Variants in CALN1 observed in about 807,000 individuals in gnomAD.
CALN1 encodes calneuron 1, also known as calcium-binding protein 8.
CALN1 carries 17 observed loss-of-function variants against 30.6 expected under a neutral mutation model. That is an observed-to-expected ratio of 0.56 (90% confidence interval 0.38 to 0.83). The LOEUF (loss-of-function observed/expected upper bound fraction) is 0.83. CALN1 is among the 40% of genes least tolerant of loss of function. CALN1 has a pLI of 0.00. For missense variants in CALN1, 291 were observed against 354.9 expected (o/e 0.82, Z 1.45); for synonymous variants, 156 against 131.4 (o/e 1.19, Z -1.28).
intron 1 of CALN1, among the ~76,000 whole-genome samples, chr7:72,411,402 T>C (rs566500525): frequency 4.6e-5 from 7 of 152,184 alleles, no homozygotes; most frequent in South Asian, 2.1e-4. Context: ...CAAGATTTTC[T>C]ATGTTAGAGA....
At chr7:72,459,226 G>T in the CALN1 span, among the ~76,000 whole-genome samples, 2 of 152,112 alleles carry the variant, frequency 1.3e-5, no homozygotes, top group South Asian at 2.1e-4. Flanking sequence ...ATTAACATGC[G>T]AAGTGAGCTT....
At chr7:72,224,174 C>G (rs1793507773) in intron 3 of CALN1, among the ~76,000 whole-genome samples, 1 of 151,934 alleles carries the variant, frequency 6.6e-6, no homozygotes, top group Non-Finnish European at 1.5e-5. Context: ...CCCCTTGAAT[C>G]TAAAATAAAA....
At chr7:71,945,283 T>G (rs766534151) in intron 5 of CALN1, among the ~76,000 whole-genome samples, 5 of 152,198 alleles carry the variant, frequency 3.3e-5, no homozygotes, top group Non-Finnish European at 7.3e-5. Flanking sequence ...AGTAAACCTC[T>G]TTTCTTTCTA....
intron 2 of CALN1, among the ~76,000 whole-genome samples, chr7:72,332,841 A>T (rs1585516630): frequency 6.6e-6 from 1 of 152,138 alleles, no homozygotes; most frequent in African/African-American, 2.4e-5. Context: ...CCATGGCCTC[A>T]TCAGCCTTGT....
chr7:72,414,074 C>T (rs899489649), upstream of CALN1, among the ~76,000 whole-genome samples: 1 of 151,952 alleles, frequency 6.6e-6, no homozygotes, highest in Non-Finnish European at 1.5e-5. Context: ...CCACTAATAC[C>T]GTATCTTCCC....
intron 5 of CALN1, among the ~76,000 whole-genome samples, chr7:71,898,484 A>T (rs572320935): frequency 6.6e-6 from 1 of 152,338 alleles, no homozygotes; most frequent in South Asian, 2.1e-4. Flanking sequence ...CAGAGAATAC[A>T]AGAGACATAA....
intron 1 of CALN1, among the ~76,000 whole-genome samples, chr7:72,446,498 G>A (rs765438527): frequency 2.6e-5 from 4 of 151,840 alleles, no homozygotes; most frequent in Admixed American, 6.6e-5. Flanking sequence ...GAGTAAAGAC[G>A]AGGGGAGAAT....
intron 2 of CALN1, among the ~76,000 whole-genome samples, chr7:72,372,861 A>T (rs117289550): frequency 3.9e-5 from 6 of 152,186 alleles, no homozygotes; most frequent in African/African-American, 1.2e-4. Flanking sequence ...AAATTCCCAA[A>T]ATACAATGAA....
chr7:72,143,294 C>T (rs182984352), intron 3 of CALN1, among the ~76,000 whole-genome samples: 1 of 152,266 alleles, frequency 6.6e-6, no homozygotes, highest in Admixed American at 6.5e-5. Context: ...CCTGATGGAG[C>T]TGAAAACCAT....
chr7:72,427,847 G>A (rs2129563897), intron 1 of CALN1, among the ~76,000 whole-genome samples: 1 of 152,058 alleles, frequency 6.6e-6, no homozygotes, highest in Non-Finnish European at 1.5e-5. Flanking sequence ...TCTCTCAGTG[G>A]TAGATCATTT....
intron 5 of CALN1, among the ~76,000 whole-genome samples, chr7:71,860,104 C>T (rs1205461031): frequency 2.6e-5 from 4 of 152,156 alleles, no homozygotes; most frequent in Middle Eastern, 3.2e-3. Flanking sequence ...ATTTTTGCTA[C>T]CCTGTATAAA....
intron 3 of CALN1, among the ~76,000 whole-genome samples, chr7:72,106,937 A>C (rs1172528038): frequency 1.3e-5 from 2 of 151,682 alleles, no homozygotes; most frequent in Non-Finnish European, 2.9e-5. Flanking sequence ...CAGGCAGACA[A>C]GGAAAAAAAG....
At chr7:72,437,003 A>C (rs1808180983) in intron 1 of CALN1, among the ~76,000 whole-genome samples, 1 of 152,020 alleles carries the variant, frequency 6.6e-6, no homozygotes, top group Non-Finnish European at 1.5e-5. Context: ...TGAGCCAAGG[A>C]GGACAAGTCT....
intron 5 of CALN1, among the ~76,000 whole-genome samples, chr7:71,833,856 T>TATGA (rs1313100550): frequency 1.3e-5 from 2 of 152,102 alleles, no homozygotes; most frequent in Non-Finnish European, 2.9e-5. Context: ...AAGGCTGAGC[T>TATGA]ATGATTGTGC....
At chr7:72,025,326 TA>T (rs1269187568) in intron 4 of CALN1, among the ~76,000 whole-genome samples, 3 of 149,858 alleles carry the variant, frequency 2.0e-5, no homozygotes, top group Admixed American at 2.0e-4. Context: ...ATAATAATAA[TA>T]AAACAATAAA....
chr7:72,383,613 T>C (rs987046312), intron 2 of CALN1, among the ~76,000 whole-genome samples: 2 of 152,184 alleles, frequency 1.3e-5, no homozygotes, highest in African/African-American at 4.8e-5. Context: ...CTGGCGCAGA[T>C]GGTCCTTGTA....
At chr7:72,256,763 T>C (rs1013089579) in intron 3 of CALN1, among the ~76,000 whole-genome samples, 4 of 152,092 alleles carry the variant, frequency 2.6e-5, no homozygotes, top group Non-Finnish European at 1.5e-5. Flanking sequence ...TGCATGACCA[T>C]GCCTGACCTA....
intron 4 of CALN1, among the ~76,000 whole-genome samples, chr7:72,028,293 CAG>C (rs1357358323): frequency 6.6e-6 from 1 of 152,124 alleles, no homozygotes; most frequent in African/African-American, 2.4e-5. Flanking sequence ...AACCTCGACT[CAG>C]GGTGCAGGGA....
At chr7:71,838,393 A>T (rs1268844307) in intron 5 of CALN1, among the ~76,000 whole-genome samples, 3 of 152,170 alleles carry the variant, frequency 2.0e-5, no homozygotes, top group African/African-American at 7.2e-5. Context: ...GTCCCAGATG[A>T]GCATGTGACC....
Sources: gnomAD v4.1 joint callset for allele counts (sites outside exome capture counted in the v4.1 genomes callset) on GRCh38, gnomAD v4.1.1 for gene constraint, MANE v1.5 for transcripts, NCBI Gene and HGNC (gene_info 2026-07-23, HGNC 2026-07-21) for gene names.